SLC7A7: variants seen among roughly 807,000 people sequenced by gnomAD.
The protein encoded by SLC7A7 is Y+L amino acid transporter 1.
Under a neutral mutation model 47.9 loss-of-function variants are expected in SLC7A7, and 39 were observed. The observed-to-expected ratio is 0.81, with a 90% confidence interval of 0.63 to 1.06. The LOEUF (loss-of-function observed/expected upper bound fraction) is 1.06, where lower values mean the gene tolerates loss of function less well. Ranked by LOEUF, SLC7A7 falls within the 50% of genes least tolerant of loss-of-function variation. The pLI, the probability that SLC7A7 is intolerant of heterozygous loss-of-function variation, is 0.00. For missense variants in SLC7A7, 588 were observed against 632.0 expected, an observed-to-expected ratio of 0.93 and a Z score of 0.75; for synonymous variants, 234 against 242.8, an observed-to-expected ratio of 0.96 and a Z score of 0.34.
chr14:22,802,081 A>G (rs2039124666), intron 2 of SLC7A7, among the ~76,000 whole-genome samples: 1 of 152,132 alleles, frequency 6.6e-6, no homozygotes, highest in South Asian at 2.1e-4. Context: ...TCTAAACCAG[A>G]AACATCATCT....
intron 9 of SLC7A7, 85 bp downstream of exon 9, chr14:22,773,848 A>AGAT: frequency 6.3e-7 from 1 of 1,582,204 alleles, no homozygotes; most frequent in Non-Finnish European, 8.7e-7. Context: ...GCTAAGGCAA[A>AGAT]GATGTCTTTG....
intron 7 of SLC7A7, 147 bp from the exon 8 acceptor site, chr14:22,774,650 T>C: frequency 1.0e-6 from 1 of 980,696 alleles, no homozygotes; most frequent in South Asian, 1.3e-5. Context: ...AACACCCTAG[T>C]TTCAGTACCT....
intron 2 of SLC7A7, among the ~76,000 whole-genome samples, chr14:22,798,745 C>G (rs956613208): frequency 1.3e-5 from 2 of 152,184 alleles, no homozygotes; most frequent in African/African-American, 4.8e-5. Context: ...CAACTCCTTC[C>G]TCTTTCACCC....
At chr14:22,810,039 C>CA (rs34386018) in intron 2 of SLC7A7, among the ~76,000 whole-genome samples, 8,664 of 60,484 alleles carry the variant, frequency 0.14, 891 homozygotes, top group Non-Finnish European at 0.17. Context: ...AACACTGTCT[C>CA]AAAAAAAAAA....
intron 2 of SLC7A7, among the ~76,000 whole-genome samples, chr14:22,798,169 C>T (rs2039050122): frequency 6.6e-6 from 1 of 152,046 alleles, no homozygotes; most frequent in Non-Finnish European, 1.5e-5. Context: ...TAGTGGTGGG[C>T]ACCTGTAATC....
chr14:22,775,783 ACTGCATAGCC>A, intron 6 of SLC7A7, 40 bp downstream of exon 6: 3 of 1,321,342 alleles, frequency 2.3e-6, no homozygotes, highest in Non-Finnish European at 3.3e-6. Context: ...AGTTCTGTCC[ACTGCATAGCC>A]CTTTGATGAT....
intron 7 of SLC7A7, 112 bp from the exon 8 acceptor site, chr14:22,774,615 G>C: frequency 7.1e-7 from 1 of 1,408,010 alleles, no homozygotes; most frequent in Non-Finnish European, 1.0e-6. Flanking sequence ...AAGTCTCCTG[G>C]TCCTCTTCTG....
At chr14:22,791,866 G>T (rs1029822637) in intron 2 of SLC7A7, among the ~76,000 whole-genome samples, 1 of 129,938 alleles carries the variant, frequency 7.7e-6, no homozygotes, top group African/African-American at 3.0e-5. Context: ...ATGGAGTCTC[G>T]CTCTGTCGCC....
chr14:22,815,605 A>C (rs1396731552), upstream of SLC7A7: 1 of 453,920 alleles, frequency 2.2e-6, no homozygotes, highest in African/African-American at 2.0e-5. Context: ...TTGGCTCAGC[A>C]CTTTCTGTGA....
chr14:22,816,766 A>G (rs1004629678), upstream of SLC7A7, among the ~76,000 whole-genome samples: 3 of 152,156 alleles, frequency 2.0e-5, no homozygotes, highest in African/African-American at 7.2e-5. Context: ...ACCAGAGAAT[A>G]GAGATCTAAA....
chr14:22,777,142 TAAAAAAAAAA>T (rs35326556), intron 4 of SLC7A7, among the ~76,000 whole-genome samples: 1 of 64,144 alleles, frequency 1.6e-5, no homozygotes, highest in Non-Finnish European at 2.8e-5. Context: ...AGACCCTGTC[TAAAAAAAAAA>T]AAAAAAAAAA....
At position 22,780,152 on chromosome 14, in the gene SLC7A7, C is replaced by A. The variant is rs964360688; in HGVS notation, c.500-101G>T. 1.6e-5 allele frequency: 25 copies of A among 1,529,624 alleles called. No individual in the cohort carries two copies. In the African/African-American group the frequency reaches 3.3e-4, roughly 20 times the overall value. 94.8% of individuals were successfully genotyped at this position (1,529,624 alleles called of 1,614,324 possible). ...GTACCAGTCACCAAGATATATATACCCTTCAGCCAAAGACAGACCCTCTGA... is the reference window on the plus strand; with the variant it reads ...GTACCAGTCACCAAGATATATATACACTTCAGCCAAAGACAGACCCTCTGA... On this transcript the variant is annotated intron_variant, in intron 2 of 9. Transcript: ENST00000674313.
Position 22,776,336 on chromosome 14 carries a change from A to G in SLC7A7, c.771-18T>C. On this transcript the variant is annotated intron_variant, in intron 4 of 9. Coordinates refer to ENST00000674313, the MANE Select transcript of SLC7A7 (RefSeq NM_003982.4). ...GCAGGTTCCTACAGCCAAATAGAAT[A>G]AAATGCACATTAGTCCCACAGTCAT... The G allele has an allele frequency of 6.2e-7, 1 of 1,614,194 alleles. No individual in the cohort carries two copies. Among genetic ancestry groups the G allele is most frequent in the East Asian group, 2.2e-5 (1 of 44,886 alleles).
Position 22,778,935 on chromosome 14 carries a change from C to A in SLC7A7, c.628G>T (p.Ala210Ser), listed in dbSNP as rs2038666556. ...VAGIVRLGQGASTHFENSFEG... is the reference protein window; with the variant it reads ...VAGIVRLGQGSSTHFENSFEG... The stretch of plus-strand genomic sequence containing the variant: ...AAGGAATTCTCAAAATGAGTAGAGG[C>A]TCCTGGAACCCAAGAACATTGGAAG... Residue 210 changes from alanine (A) to serine (S), a missense_variant and splice_region_variant, in exon 4 of 10, where the codon GCC (alanine) becomes TCC (serine). Coordinates refer to ENST00000674313, the MANE Select transcript of SLC7A7 (RefSeq NM_003982.4). 6.2e-7 allele frequency: 1 copy of A among 1,613,936 alleles called. No homozygotes were observed.
chr14:22,792,632 G>A (rs905467425), intron 2 of SLC7A7, among the ~76,000 whole-genome samples: 9 of 152,022 alleles, frequency 5.9e-5, no homozygotes, highest in Non-Finnish European at 8.8e-5. Context: ...CGAAGTGGGC[G>A]GATCACCTGA....
chr14:22,785,488 G>A (rs1272163282), intron 2 of SLC7A7, among the ~76,000 whole-genome samples: 1 of 151,910 alleles, frequency 6.6e-6, no homozygotes, highest in Non-Finnish European at 1.5e-5. Context: ...AGCACTTTGG[G>A]AGGCCAAGGC....
chr14:22,801,336 C>T (rs1385997776), intron 2 of SLC7A7, among the ~76,000 whole-genome samples: 2 of 152,066 alleles, frequency 1.3e-5, no homozygotes, highest in African/African-American at 4.8e-5. Context: ...CTGCTTGGAA[C>T]ACTCCTCTTC....
In SLC7A7 at chr14:22,798,714, A is replaced by G. The variant is rs576679538; in HGVS notation, c.499+14186T>C. Among the ~76,000 whole-genome samples the G allele has an allele frequency of 2.6e-5, 4 of 152,242 alleles. No homozygotes were observed. In the South Asian group the frequency reaches 8.3e-4, roughly 32 times the overall value. On this transcript the variant is annotated intron_variant, in intron 2 of 9. Transcript: ENST00000674313. ...CATTCCTTCCCGTTCCTGGGTCTCT[A>G]CAATGCAGTCTGAGATGTTGCAACT...
intron 2 of SLC7A7, among the ~76,000 whole-genome samples, chr14:22,785,864 T>C (rs1301614329): frequency 6.7e-6 from 1 of 149,532 alleles, no homozygotes; most frequent in Non-Finnish European, 1.5e-5. Flanking sequence ...CTACTAAAAA[T>C]ACAAAAAATT....
Sources: gnomAD v4.1 joint callset for allele counts (sites outside exome capture counted in the v4.1 genomes callset) on GRCh38, gnomAD v4.1.1 for gene constraint, MANE v1.5 for transcripts, NCBI Gene and HGNC (gene_info 2026-07-23, HGNC 2026-07-21) for gene names.